The following CNTLN variants were observed in gnomAD, a reference collection of about 807,000 sequenced individuals.
CNTLN encodes the protein centlein, centrosomal protein.
Under a neutral mutation model 180.0 loss-of-function variants are expected in CNTLN, and 212 were observed. The observed-to-expected ratio is 1.18, with a 90% confidence interval of 1.05 to 1.32. CNTLN has a LOEUF of 1.32. Among genes scored for constraint, CNTLN ranks in the 40% most tolerant of loss-of-function variants. The pLI, the probability that CNTLN is intolerant of heterozygous loss-of-function variation, is 0.00. For missense variants in CNTLN, 2,095 were observed against 1,610.9 expected (o/e 1.30, Z -5.14); for synonymous variants, 722 against 563.1 (o/e 1.28, Z -3.99).
At chr9:17,252,267 T>C (rs1268878620) in intron 5 of CNTLN, among the ~76,000 whole-genome samples, 2 of 151,894 alleles carry the variant, frequency 1.3e-5, no homozygotes, top group Non-Finnish European at 2.9e-5. Flanking sequence ...AGTAGTGGGA[T>C]TGTGGGATTG....
chr9:17,445,298 A>G (rs1361060415), intron 18 of CNTLN, among the ~76,000 whole-genome samples: 1 of 152,092 alleles, frequency 6.6e-6, no homozygotes, highest in Admixed American at 6.6e-5. Flanking sequence ...TCATCCAAGC[A>G]CTTTATTTGC....
Position 17,286,149 on chromosome 9 carries a change from T to G in CNTLN, c.984-12041T>G, listed in dbSNP as rs1194366227. Among the ~76,000 whole-genome samples the G allele has an allele frequency of 2.6e-5, 2 of 77,070 alleles. 1 individual carries two copies. The highest frequency in any genetic ancestry group is 1.5e-4 in the African/African-American group (2 of 13,428). The allele number at this position is 77,070 out of a possible 152,430, so 50.6% of individuals were successfully genotyped here. A position where few individuals can be genotyped will look rare whatever the true frequency, so the allele number is the denominator to read the frequency against. The stretch of plus-strand genomic sequence containing the variant: ...TTTTTATGGTTTTAGGTCTAACGTT[T>G]AAATCTTTAATCCATCTTGAATTGA... On this transcript the variant is annotated intron_variant, in intron 6 of 25. Coordinates refer to ENST00000380647, the MANE Select transcript of CNTLN (RefSeq NM_017738.4).
chr9:17,335,118 C>A (rs1820917657), intron 10 of CNTLN, among the ~76,000 whole-genome samples: 1 of 152,114 alleles, frequency 6.6e-6, no homozygotes, highest in Non-Finnish European at 1.5e-5. Context: ...AGCTTTTATT[C>A]TATTGAGGTT....
In CNTLN at chr9:17,278,225, T is replaced by TG. The variant is rs568462210; in HGVS notation, c.983+4362dup. ...CAGTATAACTAGTCTGTAGAGAGGT[T>TG]GGGCTCTTAGGCTAAGCAGAGTAGA... On this transcript the variant is annotated intron_variant, in intron 6 of 25. Coordinates refer to ENST00000380647, the MANE Select transcript of CNTLN (RefSeq NM_017738.4). 1.4e-4 allele frequency among the ~76,000 whole-genome samples: 22 copies of TG among 152,092 alleles called. No individual in the cohort carries two copies. In the East Asian group the frequency reaches 3.5e-3, roughly 24 times the overall value.
chr9:17,477,133 T>A (rs1832394394), intron 23 of CNTLN, among the ~76,000 whole-genome samples: 1 of 152,202 alleles, frequency 6.6e-6, no homozygotes, highest in East Asian at 1.9e-4. Context: ...AACACATGTA[T>A]TTACAGCATG....
chr9:17,233,760 CAT>C (rs1038213931), intron 3 of CNTLN, among the ~76,000 whole-genome samples: 10 of 152,018 alleles, frequency 6.6e-5, no homozygotes, highest in African/African-American at 1.9e-4. Flanking sequence ...AATTTGGGAA[CAT>C]ATGTTGAGCA....
At chr9:17,222,281 C>T (rs984038079) in intron 2 of CNTLN, among the ~76,000 whole-genome samples, 7 of 151,972 alleles carry the variant, frequency 4.6e-5, no homozygotes, top group Admixed American at 4.6e-4. Flanking sequence ...TTTGTAATCA[C>T]CATCCTTCTA....
At chr9:17,301,082 C>G (rs1269551120) in intron 7 of CNTLN, 2 of 985,250 alleles carry the variant, frequency 2.0e-6, no homozygotes, top group African/African-American at 3.5e-5. Flanking sequence ...AAAGAAAGCT[C>G]TCCTTGATGG....
chr9:17,318,216 A>T (rs1371751569), intron 8 of CNTLN, among the ~76,000 whole-genome samples: 1 of 151,606 alleles, frequency 6.6e-6, no homozygotes, highest in East Asian at 1.9e-4. Flanking sequence ...TTTTTAGTAG[A>T]GATGGGGTTT....
At chr9:17,159,614 G>C (rs1819538517) in intron 2 of CNTLN, among the ~76,000 whole-genome samples, 1 of 152,160 alleles carries the variant, frequency 6.6e-6, no homozygotes, top group Admixed American at 6.5e-5. Flanking sequence ...GCAGTTAGCT[G>C]GGGACAGGAT....
At chr9:17,309,324 CAT>C in intron 8 of CNTLN, 72 bp downstream of exon 8, 1 of 1,231,842 alleles carries the variant, frequency 8.1e-7, no homozygotes, top group Non-Finnish European at 1.1e-6. Context: ...TTGACTAAAA[CAT>C]AAAAATTTAA....
At chr9:17,243,387 GT>G (rs1326473840) in intron 5 of CNTLN, among the ~76,000 whole-genome samples, 1 of 151,912 alleles carries the variant, frequency 6.6e-6, no homozygotes, top group Non-Finnish European at 1.5e-5. Flanking sequence ...TGCTTTTCTA[GT>G]TCTTTAGGAT....
Position 17,409,339 on chromosome 9 carries a change from G to A in CNTLN, c.2662G>A (p.Val888Ile). 1.2e-6 allele frequency: 2 copies of A among 1,613,316 alleles called. No individual in the cohort carries two copies. Among genetic ancestry groups the A allele is most frequent in the Non-Finnish European group, 8.5e-7 (1 of 1,179,664 alleles). The stretch of plus-strand genomic sequence containing the variant: ...CTCTCAAACTTTGGGAACAATTATT[G>A]TAGAAACATCCCAGAAAATAAGTCC... ...QTSQTLGTII[V>I]ETSQKISPTE... Residue 888 changes from valine (V) to isoleucine (I), a missense_variant, in exon 16 of 26, where the codon GTA becomes ATA. Physicochemically the swap from Val to Ile is conservative, Grantham distance 29. Transcript: ENST00000380647.
chr9:17,389,402 TG>T, intron 14 of CNTLN, among the ~76,000 whole-genome samples: 1 of 152,298 alleles, frequency 6.6e-6, no homozygotes, highest in South Asian at 2.1e-4. Flanking sequence ...TTTGTATCTA[TG>T]GATATGTAAT....
intron 5 of CNTLN, among the ~76,000 whole-genome samples, chr9:17,265,927 C>CT (rs1174056789): frequency 4.0e-5 from 6 of 151,050 alleles, no homozygotes. Context: ...ATTCTTCTCT[C>CT]TTTTTTTCTT....
intron 15 of CNTLN, among the ~76,000 whole-genome samples, chr9:17,396,655 A>G (rs1436251209): frequency 6.6e-6 from 1 of 152,198 alleles, no homozygotes; most frequent in African/African-American, 2.4e-5. Flanking sequence ...TTTGCATATT[A>G]GAAGCACCTG....
At chr9:17,253,174 C>T (rs552982681) in intron 5 of CNTLN, among the ~76,000 whole-genome samples, 2 of 151,778 alleles carry the variant, frequency 1.3e-5, no homozygotes, top group South Asian at 4.1e-4. Flanking sequence ...TTAATATATC[C>T]TTGTAATATG....
At chr9:17,327,948 C>T (rs10963036) in intron 8 of CNTLN, among the ~76,000 whole-genome samples, 34,464 of 151,334 alleles carry the variant, frequency 0.23, 4,200 homozygotes, top group South Asian at 0.37. Flanking sequence ...AGTGAAACTC[C>T]GTCTCAAAAA....
intron 12 of CNTLN, among the ~76,000 whole-genome samples, chr9:17,348,680 G>A (rs934110537): frequency 1.3e-5 from 2 of 151,940 alleles, no homozygotes; most frequent in African/African-American, 4.8e-5. Context: ...ATAGGCATGC[G>A]TCACCACGCG....
Sources: allele counts gnomAD v4.1 joint callset (sites outside exome capture counted in the v4.1 genomes callset), GRCh38; gene constraint gnomAD v4.1.1; transcripts MANE v1.5; gene names NCBI Gene and HGNC (gene_info 2026-07-23, HGNC 2026-07-21).